PSMB1: variants seen among roughly 807,000 people sequenced by gnomAD.
The protein encoded by PSMB1 is proteasome 20S subunit beta 1.
Under a neutral mutation model 25.4 loss-of-function variants are expected in PSMB1, and 7 were observed. That is an observed-to-expected ratio of 0.28 (90% CI 0.16 to 0.52). The LOEUF (loss-of-function observed/expected upper bound fraction) is 0.52, where lower values mean the gene tolerates loss of function less well. Ranked by LOEUF, PSMB1 falls within the 20% of genes least tolerant of loss-of-function variation. The pLI is 0.97. For missense variants in PSMB1, 284 were observed against 302.2 expected (o/e 0.94, Z 0.45); for synonymous variants, 119 against 115.0 (o/e 1.03, Z -0.22).
intron 3 of PSMB1, among the ~76,000 whole-genome samples, chr6:170,545,482 A>G (rs1012562163): frequency 6.6e-6 from 1 of 152,234 alleles, no homozygotes; most frequent in African/African-American, 2.4e-5. Context: ...AAATAAATAT[A>G]CTATATACTC....
intron 4 of PSMB1, among the ~76,000 whole-genome samples, chr6:170,540,675 GA>G (rs977068667): frequency 4.4e-4 from 61 of 138,028 alleles, no homozygotes; most frequent in African/African-American, 1.4e-3. Context: ...CACATAACAT[GA>G]AAAAAAAAAC....
intron 5 of PSMB1, among the ~76,000 whole-genome samples, chr6:170,536,077 GAATTAGA>G (rs1367347209): frequency 6.6e-6 from 1 of 152,162 alleles, no homozygotes; most frequent in Non-Finnish European, 1.5e-5. Flanking sequence ...AAAGAGGGAC[GAATTAGA>G]AATACAGGCG....
At chr6:170,535,830 T>C (rs897301753) in intron 5 of PSMB1, among the ~76,000 whole-genome samples, 25 of 152,134 alleles carry the variant, frequency 1.6e-4, no homozygotes, top group African/African-American at 5.8e-4. Flanking sequence ...ACTGAAGATG[T>C]GGGACGGAGT....
chr6:170,535,526 A>T (rs1778679674), intron 5 of PSMB1, 121 bp from the exon 6 acceptor site: 2 of 842,792 alleles, frequency 2.4e-6, no homozygotes. Flanking sequence ...ACACAAAATT[A>T]AAATGTCCTT....
Position 170,540,512 on chromosome 6 carries a change from G to A in PSMB1, c.433+3089C>T, listed in dbSNP as rs1303954647. 2.0e-5 allele frequency among the ~76,000 whole-genome samples: 3 copies of A among 147,618 alleles called. No individual in the cohort carries two copies. The East Asian group carries it at 6.1e-4, about 30-fold the overall frequency. On this transcript the variant is annotated intron_variant, in intron 4 of 5. Coordinates refer to ENST00000262193, the MANE Select transcript of PSMB1 (RefSeq NM_002793.4). Reference sequence around the variant, plus strand: ...TTACTTAAGCACCCAGTTAACGGCTGTCAGTTGACAAGCCATGTCAACAAG... The same window carrying A: ...TTACTTAAGCACCCAGTTAACGGCTATCAGTTGACAAGCCATGTCAACAAG...
Position 170,550,675 on chromosome 6 carries a change from T to C in PSMB1, c.114-1562A>G, listed in dbSNP as rs537154269. Among the ~76,000 whole-genome samples the C allele has an allele frequency of 1.1e-4, 17 of 152,296 alleles. No individual in the cohort carries two copies. The East Asian group carries it at 1.9e-3, about 17-fold the overall frequency. ...AGAAACACTGTTCTAATACTACTAA[T>C]GCAATAGTAAGGTAGCAGGGTGAAC... On this transcript the variant is annotated intron_variant, in intron 1 of 5. Transcript: ENST00000262193.
chr6:170,542,348 C>T (rs12205313), intron 4 of PSMB1, among the ~76,000 whole-genome samples: 6,218 of 152,134 alleles, frequency 0.041, 158 homozygotes, highest in Middle Eastern at 0.085. Flanking sequence ...ACCCTTTCCT[C>T]TTAGAATTTT....
Position 170,553,208 on chromosome 6 carries a change from C to G in PSMB1, c.35G>C (p.Gly12Ala). 6.2e-7 allele frequency: 1 copy of G among 1,613,804 alleles called. No homozygotes were observed. Among genetic ancestry groups the G allele is most frequent in the Middle Eastern group, 1.7e-4 (1 of 6,020 alleles). The change falls in exon 1 of 6, where the codon GGC (glycine) becomes GCC (alanine). Residue 12 changes from glycine to alanine, a missense_variant. Coordinates refer to ENST00000262193, the MANE Select transcript of PSMB1 (RefSeq NM_002793.4). ...GTGCGGTTCCATCCCCAAGTCTCTG[C>G]CAGGAGCCGAATACATGGCTGTAGA... ...LSSTAMYSAP[G>A]RDLGMEPHRA...
Position 170,544,866 on chromosome 6 carries a change from A to G in PSMB1, c.304-1136T>C, listed in dbSNP as rs183085383. Among the ~76,000 whole-genome samples, 4 of 152,284 alleles carry G rather than the reference A, an allele frequency of 2.6e-5. No individual in the cohort carries two copies. In the East Asian group the frequency reaches 5.8e-4, roughly 22 times the overall value. On this transcript the variant is annotated intron_variant, in intron 3 of 5. Transcript: ENST00000262193. ...ATAAAAAATTATTCATAGGCCGGGC[A>G]CAGTGGCTCACTGCTGGCCTGTAAT...
chr6:170,549,280 C>A, intron 1 of PSMB1, 167 bp from the exon 2 acceptor site: 1 of 501,394 alleles, frequency 2.0e-6, no homozygotes, highest in Non-Finnish European at 3.5e-6. Context: ...CGCCTGGCTA[C>A]GAGTTGTCTG....
At chr6:170,547,898 A>AAAAAT (rs3042442) in intron 2 of PSMB1, among the ~76,000 whole-genome samples, 2 of 151,394 alleles carry the variant, frequency 1.3e-5, no homozygotes, top group African/African-American at 4.9e-5. Flanking sequence ...AAAAAAAAAA[A>AAAAAT]GTGCTCACTT....
chr6:170,547,308 C>T (rs6456229), intron 2 of PSMB1, among the ~76,000 whole-genome samples: 9,020 of 152,182 alleles, frequency 0.059, 876 homozygotes, highest in African/African-American at 0.2. Context: ...TTAAATAGCA[C>T]CCCAAAACAA....
At chr6:170,549,194 T>C (rs1403703372) in intron 1 of PSMB1, 81 bp from the exon 2 acceptor site, 4 of 718,690 alleles carry the variant, frequency 5.6e-6, no homozygotes, top group African/African-American at 1.8e-5. Flanking sequence ...TAGTACATAA[T>C]GGGATAAAAT....
chr6:170,547,699 C>A (rs1410488640), intron 2 of PSMB1, among the ~76,000 whole-genome samples: 1 of 152,050 alleles, frequency 6.6e-6, no homozygotes, highest in Non-Finnish European at 1.5e-5. Context: ...ATGCTTTTCC[C>A]AAATATCCAG....
At chr6:170,537,147 T>G in intron 5 of PSMB1, 87 bp downstream of exon 5, 1 of 1,013,438 alleles carries the variant, frequency 9.9e-7, no homozygotes, top group Non-Finnish European at 1.5e-6. Context: ...CCTAAGCTAA[T>G]GAAGAGGAGA....
In PSMB1 at chr6:170,551,656, A is replaced by T. The variant is rs1778904038; in HGVS notation, c.113+1474T>A. Among the ~76,000 whole-genome samples the T allele has an allele frequency of 2.0e-5, 3 of 152,324 alleles. No individual in the cohort carries two copies. In the South Asian group the frequency reaches 6.2e-4, roughly 32 times the overall value. On this transcript the variant is annotated intron_variant, in intron 1 of 5. Coordinates refer to ENST00000262193, the MANE Select transcript of PSMB1 (RefSeq NM_002793.4). ...TCCAATAACCCTCCCTACAATATAC[A>T]ACTTAATTAGTCATCACAGGAAGTG...
rs560697821 is a variant in PSMB1 at position 170,539,261 on chromosome 6, T to C, written c.434-1921A>G. On this transcript the variant is annotated intron_variant, in intron 4 of 5. Coordinates refer to ENST00000262193, the MANE Select transcript of PSMB1 (RefSeq NM_002793.4). ...CTAAGCTTTGGATGGGAGAAGTTTT[T>C]CTAACAAGGCAAGAAACTGAATGTC... Among the ~76,000 whole-genome samples, 7 of 152,326 alleles carry C rather than the reference T, an allele frequency of 4.6e-5. No individual in the cohort carries two copies. In the East Asian group the frequency reaches 1.4e-3, roughly 29 times the overall value.
chr6:170,542,114 T>C (rs1053471558), intron 4 of PSMB1, among the ~76,000 whole-genome samples: 1 of 152,210 alleles, frequency 6.6e-6, no homozygotes, highest in Non-Finnish European at 1.5e-5. Context: ...CACTTTACTT[T>C]TTCTCTTGGT....
chr6:170,550,115 T>C (rs1460709870), intron 1 of PSMB1: 3 of 152,148 alleles, frequency 2.0e-5, no homozygotes. Context: ...AATGCAATAG[T>C]GGAAATTAAA....
Sources: allele counts gnomAD v4.1 joint callset (sites outside exome capture counted in the v4.1 genomes callset), GRCh38; gene constraint gnomAD v4.1.1; transcripts MANE v1.5; gene names NCBI Gene and HGNC (gene_info 2026-07-23, HGNC 2026-07-21).